The following NLN variants were observed in gnomAD, a reference collection of about 807,000 sequenced individuals.
The protein encoded by NLN is neurolysin, mitochondrial.
NLN carries 64 observed loss-of-function variants against 79.9 expected under a neutral mutation model. The ratio of observed to expected loss-of-function variants is 0.80; its 90% confidence interval spans 0.65 to 0.99. The LOEUF (loss-of-function observed/expected upper bound fraction) is 0.99, where lower values mean the gene tolerates loss of function less well. NLN is among the 50% of genes least tolerant of loss of function. The pLI is 0.00. For missense variants in NLN, 835 were observed against 858.7 expected (o/e 0.97, Z 0.34); for synonymous variants, 267 against 296.6 (o/e 0.90, Z 1.02).
At chr5:65,804,543 T>C (rs1760363071) in intron 9 of NLN, among the ~76,000 whole-genome samples, 1 of 152,218 alleles carries the variant, frequency 6.6e-6, no homozygotes, top group Admixed American at 6.5e-5. Flanking sequence ...CTTTTTTCTT[T>C]GTTTTTGATG....
intron 11 of NLN, among the ~76,000 whole-genome samples, chr5:65,811,370 A>T (rs568243131): frequency 6.6e-6 from 1 of 152,112 alleles, no homozygotes; most frequent in Non-Finnish European, 1.5e-5. Context: ...CCATCCTGTT[A>T]TGCTATCAAG....
At chr5:65,782,981 A>G (rs1377658130) in intron 6 of NLN, among the ~76,000 whole-genome samples, 2 of 152,002 alleles carry the variant, frequency 1.3e-5, no homozygotes, top group Admixed American at 6.6e-5. Context: ...ATTCCTGTAC[A>G]TTTTTCATTT....
At chr5:65,813,360 G>A (rs577730902) in intron 12 of NLN, among the ~76,000 whole-genome samples, 17 of 148,494 alleles carry the variant, frequency 1.1e-4, no homozygotes, top group African/African-American at 3.7e-4. Flanking sequence ...GCTGACTATT[G>A]TTCTCACAGA....
rs117587529 is a variant in NLN, at chr5:65,822,584, G to A, written c.1981-197G>A. On this transcript the variant is annotated intron_variant, in intron 12 of 12. Coordinates refer to ENST00000380985, the MANE Select transcript of NLN (RefSeq NM_020726.5). Reference sequence around the variant, plus strand: ...TAATAAAGGACAGTGTAGAAGACCTGAAGTTTTAAGCTCCAAATCTCTTAG... The same window carrying A: ...TAATAAAGGACAGTGTAGAAGACCTAAAGTTTTAAGCTCCAAATCTCTTAG... Among the ~76,000 whole-genome samples the A allele has an allele frequency of 1.6e-4, 24 of 152,276 alleles. No homozygotes were observed. In the East Asian group the frequency reaches 4.2e-3, roughly 27 times the overall value.
chr5:65,820,105 T>G (rs1363864061), intron 12 of NLN, among the ~76,000 whole-genome samples: 2 of 152,230 alleles, frequency 1.3e-5, no homozygotes, highest in Admixed American at 1.3e-4. Context: ...GCTCCTCAAA[T>G]GCTTCCTTTT....
chr5:65,753,318 T>A (rs1759142525), intron 1 of NLN, among the ~76,000 whole-genome samples: 1 of 152,164 alleles, frequency 6.6e-6, no homozygotes, highest in African/African-American at 2.4e-5. Flanking sequence ...ACGAAGGTCA[T>A]CTTATCAGTG....
At chr5:65,810,248 C>A in intron 11 of NLN, 83 bp downstream of exon 11, 1 of 1,179,032 alleles carries the variant, frequency 8.5e-7, no homozygotes, top group East Asian at 2.5e-5. Flanking sequence ...TGGAGTTTGT[C>A]AGACAGATTA....
intron 7 of NLN, 147 bp downstream of exon 7, chr5:65,786,057 T>G: frequency 1.6e-6 from 1 of 624,634 alleles, no homozygotes; most frequent in Non-Finnish European, 2.6e-6. Context: ...TGTTAGATAG[T>G]GTGCTTGGTT....
chr5:65,796,967 T>A (rs550833826), intron 9 of NLN, among the ~76,000 whole-genome samples: 2 of 152,344 alleles, frequency 1.3e-5, no homozygotes, highest in African/African-American at 4.8e-5. Flanking sequence ...TATTTAAACA[T>A]GTTGGCAAGA....
intron 11 of NLN, among the ~76,000 whole-genome samples, chr5:65,811,718 A>C (rs1760550328): frequency 6.6e-6 from 1 of 152,034 alleles, no homozygotes. Context: ...GCTACTCAGG[A>C]GGCTGAGGCA....
chr5:65,767,669 C>T (rs1482860882), intron 3 of NLN, among the ~76,000 whole-genome samples: 2 of 152,174 alleles, frequency 1.3e-5, no homozygotes, highest in Non-Finnish European at 2.9e-5. Flanking sequence ...TTCTTTTCTA[C>T]CCCATGGTCA....
At chr5:65,767,331 C>G (rs1041597141) in intron 3 of NLN, among the ~76,000 whole-genome samples, 6 of 152,190 alleles carry the variant, frequency 3.9e-5, no homozygotes, top group African/African-American at 1.4e-4. Context: ...GGCCCAATAC[C>G]ATGTGGAAAC....
chr5:65,822,745 C>G (rs1304068237), intron 12 of NLN, 36 bp from the exon 13 acceptor site: 2 of 1,559,318 alleles, frequency 1.3e-6, no homozygotes, highest in Non-Finnish European at 1.8e-6. Context: ...ATTGCTAGAA[C>G]CATGAATTAT....
chr5:65,787,030 G>A (rs143450839), intron 7 of NLN, among the ~76,000 whole-genome samples: 212 of 152,312 alleles, frequency 1.4e-3, no homozygotes, highest in Admixed American at 3.3e-3. Flanking sequence ...GTTTCCTTCA[G>A]TGGTGATTGC....
At chr5:65,765,187 A>G (rs1273367472) in intron 3 of NLN, among the ~76,000 whole-genome samples, 2 of 152,102 alleles carry the variant, frequency 1.3e-5, no homozygotes, top group African/African-American at 2.4e-5. Flanking sequence ...GTTCAAGACC[A>G]GCTTGGGCAA....
At chr5:65,776,604 A>G (rs1017553451) in intron 3 of NLN, among the ~76,000 whole-genome samples, 1 of 152,118 alleles carries the variant, frequency 6.6e-6, no homozygotes, top group Non-Finnish European at 1.5e-5. Flanking sequence ...TCCAGAGTCC[A>G]TTTCTTCTTA....
Position 65,812,263 on chromosome 5 carries a change from A to C in NLN, c.1852A>C (p.Met618Leu). The C allele has an allele frequency of 6.2e-7, 1 of 1,613,526 alleles. No individual in the cohort carries two copies. The highest frequency in any genetic ancestry group is 8.5e-7 in the Non-Finnish European group (1 of 1,179,530). Residue 618 changes from methionine (M) to leucine (L), a missense_variant, in exon 12 of 13, where the codon ATG becomes CTG. Physicochemically the swap from Met to Leu is conservative, Grantham distance 15 (BLOSUM62 2). Coordinates refer to ENST00000380985, the MANE Select transcript of NLN (RefSeq NM_020726.5). ...LGVAATPGTNMPATFGHLAGG... is the reference protein window; with the variant it reads ...LGVAATPGTNLPATFGHLAGG... The stretch of plus-strand genomic sequence containing the variant: ...TGTATCTTTTTTTAAAGGCACAAAT[A>C]TGCCAGCTACCTTTGGACATTTGGC...
At chr5:65,746,818 C>T (rs1042410774) in intron 1 of NLN, among the ~76,000 whole-genome samples, 1 of 151,846 alleles carries the variant, frequency 6.6e-6, no homozygotes, top group African/African-American at 2.4e-5. Flanking sequence ...TCCTGGCTAA[C>T]ACAGTGAAAC....
In NLN at chr5:65,796,270, T is replaced by G. The variant is rs1447170030; in HGVS notation, c.1527+3615T>G. 9.8e-5 allele frequency among the ~76,000 whole-genome samples: 15 copies of G among 152,334 alleles called. 1 individual carries two copies. The East Asian group carries it at 2.9e-3, about 29-fold the overall frequency. Reference sequence around the variant, plus strand: ...GTCCTCTTATCAACTTATTATCATATGCTTACCATGTATTCCATCAGTTCT... The same window carrying G: ...GTCCTCTTATCAACTTATTATCATAGGCTTACCATGTATTCCATCAGTTCT... On this transcript the variant is annotated intron_variant, in intron 9 of 12. Coordinates refer to ENST00000380985, the MANE Select transcript of NLN (RefSeq NM_020726.5).
Sources: gnomAD v4.1 joint callset for allele counts (sites outside exome capture counted in the v4.1 genomes callset) on GRCh38, gnomAD v4.1.1 for gene constraint, MANE v1.5 for transcripts, NCBI Gene and HGNC (gene_info 2026-07-23, HGNC 2026-07-21) for gene names.